EPHA6: variants seen among roughly 807,000 people sequenced by gnomAD.
EPHA6 encodes ephrin type-A receptor 6.
In EPHA6, 50 loss-of-function variants were observed where a neutral mutation model predicts 112.0. That is an observed-to-expected ratio of 0.45 (90% CI 0.36 to 0.56). The LOEUF is 0.56. EPHA6 is among the 20% of genes least tolerant of loss of function. The pLI, the probability that EPHA6 is intolerant of heterozygous loss-of-function variation, is 0.00. For synonymous variants in EPHA6, 529 were observed against 490.7 expected (o/e 1.08, Z -1.03); for missense variants, 1,280 against 1,417.4 (o/e 0.90, Z 1.56).
intron 3 of EPHA6, among the ~76,000 whole-genome samples, chr3:97,219,630 G>A (rs2078134216): frequency 6.6e-6 from 1 of 152,138 alleles, no homozygotes; most frequent in Non-Finnish European, 1.5e-5. Context: ...CCTGGGCCCA[G>A]CCCACGAAAC....
chr3:96,885,401 G>A (rs981971898), intron 2 of EPHA6, among the ~76,000 whole-genome samples: 1 of 151,936 alleles, frequency 6.6e-6, no homozygotes, highest in African/African-American at 2.4e-5. Flanking sequence ...TTTCAATCTC[G>A]CTGCTTGTTA....
intron 5 of EPHA6, among the ~76,000 whole-genome samples, chr3:97,368,211 T>A (rs2084848637): frequency 6.6e-6 from 1 of 152,176 alleles, no homozygotes; most frequent in South Asian, 2.1e-4. Flanking sequence ...GAAAACCTTT[T>A]AATTTCTATG....
At chr3:96,971,590 C>CTATT (rs10661651) in intron 2 of EPHA6, among the ~76,000 whole-genome samples, 32,082 of 151,790 alleles carry the variant, frequency 0.21, 6,630 homozygotes, top group African/African-American at 0.54. Context: ...TACAAAGTGA[C>CTATT]TAAGTAGTTC....
intron 6 of EPHA6, among the ~76,000 whole-genome samples, chr3:97,427,502 A>G (rs2089222238): frequency 6.6e-6 from 1 of 152,112 alleles, no homozygotes; most frequent in Non-Finnish European, 1.5e-5. Context: ...GAACACATGG[A>G]CACATAGAGG....
chr3:97,247,925 C>T (rs1043490699), intron 5 of EPHA6, among the ~76,000 whole-genome samples: 1 of 151,914 alleles, frequency 6.6e-6, no homozygotes, highest in Non-Finnish European at 1.5e-5. Context: ...TATGTATGCA[C>T]ATTGTGGAAC....
At chr3:97,600,175 A>C (rs1468644352) in intron 12 of EPHA6, among the ~76,000 whole-genome samples, 1 of 150,720 alleles carries the variant, frequency 6.6e-6, no homozygotes, top group African/African-American at 2.4e-5. Flanking sequence ...GGCTGAGACA[A>C]TGGGGTTTTC....
intron 3 of EPHA6, among the ~76,000 whole-genome samples, chr3:97,216,933 T>G (rs1438972279): frequency 2.0e-5 from 3 of 152,178 alleles, no homozygotes; most frequent in Non-Finnish European, 4.4e-5. Context: ...TTTTTACTTT[T>G]GGTCAAGATG....
At chr3:97,476,274 A>C (rs1019612719) in intron 8 of EPHA6, among the ~76,000 whole-genome samples, 3 of 152,162 alleles carry the variant, frequency 2.0e-5, no homozygotes, top group African/African-American at 7.2e-5. Context: ...CTATCTAGAT[A>C]TCAAAAGAGG....
chr3:97,265,390 T>A (rs1452381646), intron 5 of EPHA6, among the ~76,000 whole-genome samples: 2 of 152,148 alleles, frequency 1.3e-5, no homozygotes, highest in African/African-American at 4.8e-5. Flanking sequence ...GGCTTCTCTC[T>A]CATCACTCGT....
intron 13 of EPHA6, among the ~76,000 whole-genome samples, chr3:97,611,242 C>T (rs2093717756): frequency 1.3e-5 from 2 of 151,744 alleles, no homozygotes; most frequent in Admixed American, 1.3e-4. Context: ...TGCTGAACTC[C>T]TTAACTGATC....
Position 97,084,364 on chromosome 3 carries a change from C to A in EPHA6, c.1114+96371C>A, listed in dbSNP as rs944227757. Reference sequence around the variant, plus strand: ...ACACACAGACATATACACACGCACACAAATACCCATACCTCTACTACCTTG... The same window carrying A: ...ACACACAGACATATACACACGCACAAAAATACCCATACCTCTACTACCTTG... On this transcript the variant is annotated intron_variant, in intron 3 of 17. Coordinates refer to ENST00000389672, the MANE Select transcript of EPHA6 (RefSeq NM_001080448.3). Among the ~76,000 whole-genome samples the A allele has an allele frequency of 3.3e-5, 5 of 151,552 alleles. No homozygotes were observed. In the Admixed American group the frequency reaches 3.3e-4, roughly 10 times the overall value.
chr3:97,356,477 A>G (rs753306472), intron 5 of EPHA6, among the ~76,000 whole-genome samples: 26 of 152,280 alleles, frequency 1.7e-4, no homozygotes, highest in Middle Eastern at 3.4e-3. Context: ...ACTATGTCTT[A>G]TAAGTTTTGG....
chr3:97,422,004 A>C (rs927936437), intron 6 of EPHA6, among the ~76,000 whole-genome samples: 2 of 152,138 alleles, frequency 1.3e-5, no homozygotes, highest in African/African-American at 4.8e-5. Context: ...AAGAACTTTA[A>C]AATTTTTGGA....
intron 1 of EPHA6, among the ~76,000 whole-genome samples, chr3:96,857,621 G>T (rs984874271): frequency 3.3e-5 from 5 of 151,964 alleles, no homozygotes; most frequent in African/African-American, 1.2e-4. Context: ...GCTGTTTAAT[G>T]TGTAAATGAT....
At chr3:97,723,348 G>T (rs1364001101) in intron 15 of EPHA6, among the ~76,000 whole-genome samples, 1 of 152,142 alleles carries the variant, frequency 6.6e-6, no homozygotes, top group Non-Finnish European at 1.5e-5. Context: ...CCTGGATCTT[G>T]CCCAAAAGGT....
At chr3:97,292,062 T>C (rs2080704567) in intron 5 of EPHA6, among the ~76,000 whole-genome samples, 1 of 152,198 alleles carries the variant, frequency 6.6e-6, no homozygotes, top group South Asian at 2.1e-4. Context: ...CTGTAGCAGG[T>C]TGGGCAGCTC....
chr3:97,593,104 G>A (rs1269834822), intron 12 of EPHA6, among the ~76,000 whole-genome samples: 2 of 152,036 alleles, frequency 1.3e-5, no homozygotes, highest in Non-Finnish European at 2.9e-5. Flanking sequence ...AGTGTTCTTG[G>A]CAGAAAGAGT....
intron 3 of EPHA6, among the ~76,000 whole-genome samples, chr3:97,220,023 G>A (rs1003247621): frequency 2.1e-4 from 32 of 152,324 alleles, no homozygotes; most frequent in Middle Eastern, 6.8e-3. Context: ...AGGTTCCACA[G>A]ATCTCTAGGA....
intron 2 of EPHA6, among the ~76,000 whole-genome samples, chr3:96,888,637 G>C (rs2037774431): frequency 6.6e-6 from 1 of 152,194 alleles, no homozygotes; most frequent in South Asian, 2.1e-4. Flanking sequence ...CAGGGCACCA[G>C]GTCCATAGGC....
Sources: gnomAD v4.1 joint callset for allele counts (sites outside exome capture counted in the v4.1 genomes callset) on GRCh38, gnomAD v4.1.1 for gene constraint, MANE v1.5 for transcripts, NCBI Gene and HGNC (gene_info 2026-07-23, HGNC 2026-07-21) for gene names.